The following PRKN variants were observed in gnomAD, a reference collection of about 807,000 sequenced individuals.
PRKN encodes parkin RBR E3 ubiquitin protein ligase, also known as E3 ubiquitin-protein ligase parkin.
PRKN carries 56 observed loss-of-function variants against 59.5 expected under a neutral mutation model. The observed-to-expected ratio is 0.94, with a 90% confidence interval of 0.76 to 1.18. The LOEUF (loss-of-function observed/expected upper bound fraction) is 1.18. Among genes scored for constraint, PRKN ranks in the 50% most tolerant of loss-of-function variants. The pLI is 0.00. For synonymous variants in PRKN, 250 were observed against 222.1 expected (o/e 1.13, Z -1.12); for missense variants, 657 against 596.4 (o/e 1.10, Z -1.06).
chr6:162,583,224 G>C (rs994206012), intron 1 of PRKN, among the ~76,000 whole-genome samples: 7 of 152,066 alleles, frequency 4.6e-5, no homozygotes, highest in Admixed American at 6.6e-5. Context: ...CAGAAGAGTG[G>C]GTCAATACAT....
At chr6:161,947,130 G>T (rs541096339) in intron 6 of PRKN, among the ~76,000 whole-genome samples, 1 of 151,930 alleles carries the variant, frequency 6.6e-6, no homozygotes, top group East Asian at 1.9e-4. Context: ...GTTTATACGT[G>T]TTATATGTAA....
intron 1 of PRKN, among the ~76,000 whole-genome samples, chr6:162,469,000 T>C (rs1215354841): frequency 2.0e-5 from 3 of 152,100 alleles, no homozygotes; most frequent in African/African-American, 4.8e-5. Flanking sequence ...GTCCTACCAA[T>C]GAATCCAAAA....
intron 3 of PRKN, among the ~76,000 whole-genome samples, chr6:162,236,540 C>T (rs1487767565): frequency 6.6e-6 from 1 of 151,988 alleles, no homozygotes; most frequent in Admixed American, 6.6e-5. Context: ...TATCCTAGCA[C>T]TTTGGGAGGC....
intron 1 of PRKN, among the ~76,000 whole-genome samples, chr6:162,669,457 C>T (rs910473157): frequency 6.6e-6 from 1 of 152,106 alleles, no homozygotes; most frequent in Admixed American, 6.6e-5. Flanking sequence ...TCAGATTTAA[C>T]CCTTTGTTAC....
rs192868712 is a variant in PRKN at position 161,871,350 on chromosome 6, G to C, written c.735-85442C>G. ...CAGTCATTTAAGGAACATGAAGAAAGAGCCCTACTTTGTATTAATTTGGGG... is the reference window on the plus strand; with the variant it reads ...CAGTCATTTAAGGAACATGAAGAAACAGCCCTACTTTGTATTAATTTGGGG... On this transcript the variant is annotated intron_variant, in intron 6 of 11. Coordinates refer to ENST00000366898, the MANE Select transcript of PRKN (RefSeq NM_004562.3). Among the ~76,000 whole-genome samples the C allele has an allele frequency of 2.0e-4, 30 of 152,110 alleles. 1 individual carries two copies. The highest frequency in any genetic ancestry group is 1.8e-3 in the Admixed American group (28 of 15,268).
intron 4 of PRKN, among the ~76,000 whole-genome samples, chr6:162,165,992 G>C (rs1293202020): frequency 6.9e-6 from 1 of 144,230 alleles, no homozygotes; most frequent in Non-Finnish European, 1.5e-5. Context: ...GGGTTGCAGT[G>C]AGCCAGGGTC....
chr6:162,715,756 C>T (rs892540480), intron 1 of PRKN, among the ~76,000 whole-genome samples: 2 of 152,148 alleles, frequency 1.3e-5, no homozygotes, highest in Non-Finnish European at 2.9e-5. Flanking sequence ...AATCTATCAT[C>T]ACCTCCCACT....
rs528834624 is a variant in PRKN at position 162,612,047 on chromosome 6, G to C, written c.7+115615C>G. On this transcript the variant is annotated intron_variant, in intron 1 of 11. Coordinates refer to ENST00000366898, the MANE Select transcript of PRKN (RefSeq NM_004562.3). ...AAAAATACGAAAAAAAAAAAAATTA[G>C]CTGGGCGTGGTGGCGGGCGCCTGTA... Among the ~76,000 whole-genome samples the C allele has an allele frequency of 1.4e-4, 21 of 150,722 alleles. No homozygotes were observed. The South Asian group carries it at 4.4e-3, about 32-fold the overall frequency.
At chr6:161,636,146 G>T (rs559073844) in intron 7 of PRKN, among the ~76,000 whole-genome samples, 3 of 152,362 alleles carry the variant, frequency 2.0e-5, no homozygotes, top group South Asian at 4.1e-4. Context: ...ACCCTGACAA[G>T]GCACTGTGCT....
At position 162,483,313 on chromosome 6, in the gene PRKN, T is replaced by C. The variant is rs1243812055; in HGVS notation, c.8-39840A>G. Among the ~76,000 whole-genome samples, 4 of 152,160 alleles carry C rather than the reference T, an allele frequency of 2.6e-5. 1 individual carries two copies. Among genetic ancestry groups the C allele is most frequent in the Non-Finnish European group, 5.9e-5 (4 of 68,014 alleles). On this transcript the variant is annotated intron_variant, in intron 1 of 11. Coordinates refer to ENST00000366898, the MANE Select transcript of PRKN (RefSeq NM_004562.3). ...GGATGGATTCTTTGGGGAGTTGCGATTGTTTTGTGTCTTATGTGTGGTGGA... is the reference window on the plus strand; with the variant it reads ...GGATGGATTCTTTGGGGAGTTGCGACTGTTTTGTGTCTTATGTGTGGTGGA...
chr6:162,258,139 C>T (rs1000568469), intron 3 of PRKN, among the ~76,000 whole-genome samples: 1 of 152,166 alleles, frequency 6.6e-6, no homozygotes, highest in African/African-American at 2.4e-5. Flanking sequence ...GGCCTCGCGG[C>T]TGCTGTATAT....
At chr6:162,186,995 C>T (rs1041823239) in intron 4 of PRKN, among the ~76,000 whole-genome samples, 1 of 152,134 alleles carries the variant, frequency 6.6e-6, no homozygotes, top group Non-Finnish European at 1.5e-5. Flanking sequence ...TGACCCGAGT[C>T]CCACTTGATA....
intron 6 of PRKN, among the ~76,000 whole-genome samples, chr6:161,891,989 A>G (rs567455500): frequency 6.6e-6 from 1 of 152,250 alleles, no homozygotes; most frequent in Non-Finnish European, 1.5e-5. Flanking sequence ...GAAATTCCCA[A>G]TACATTTCCT....
At chr6:161,509,677 C>T (rs1158220990) in intron 9 of PRKN, among the ~76,000 whole-genome samples, 1 of 151,890 alleles carries the variant, frequency 6.6e-6, no homozygotes, top group African/African-American at 2.4e-5. Context: ...TTTAGGAGTT[C>T]GAGACCAGCC....
intron 7 of PRKN, among the ~76,000 whole-genome samples, chr6:161,750,118 T>TATATATATACACAC: frequency 7.3e-6 from 1 of 137,830 alleles, no homozygotes; most frequent in South Asian, 2.5e-4. Context: ...TATATATATA[T>TATATATATACACAC]ACACACACAC....
intron 6 of PRKN, among the ~76,000 whole-genome samples, chr6:161,968,604 C>T (rs558897476): frequency 2.8e-4 from 42 of 152,002 alleles, no homozygotes; most frequent in Non-Finnish European, 4.7e-4. Context: ...TACTATCCTC[C>T]GATTTTCATC....
rs939383458 is a variant in PRKN at position 162,177,811 on chromosome 6, AAAAT to A, written c.534+23316_534+23319del. On this transcript the variant is annotated intron_variant, in intron 4 of 11. Coordinates refer to ENST00000366898, the MANE Select transcript of PRKN (RefSeq NM_004562.3). ...ATCCAGTGGCAGCTGCCAGATTAAA[AAAAT>A]AAATAAAGAGCCATAGATCAAGCTG... Among the ~76,000 whole-genome samples, 12 of 152,184 alleles carry A rather than the reference AAAAT, an allele frequency of 7.9e-5. No homozygotes were observed. The South Asian group carries it at 1.2e-3, about 16-fold the overall frequency.
At chr6:162,006,297 T>C (rs1014684730) in intron 5 of PRKN, among the ~76,000 whole-genome samples, 6 of 152,134 alleles carry the variant, frequency 3.9e-5, no homozygotes, top group Non-Finnish European at 7.3e-5. Context: ...ATGGAAAAAT[T>C]CTCACACCAC....
chr6:162,604,697 C>CT (rs35730217), intron 1 of PRKN, among the ~76,000 whole-genome samples: 33,741 of 135,190 alleles, frequency 0.25, 5,262 homozygotes, highest in African/African-American at 0.42. Flanking sequence ...TTTCTCTCTC[C>CT]TTTTTTTTTT....
Sources: allele counts gnomAD v4.1 joint callset (sites outside exome capture counted in the v4.1 genomes callset), GRCh38; gene constraint gnomAD v4.1.1; transcripts MANE v1.5; gene names NCBI Gene and HGNC (gene_info 2026-07-23, HGNC 2026-07-21).